GALNT13: variants seen among roughly 807,000 people sequenced by gnomAD.
The protein encoded by GALNT13 is polypeptide N-acetylgalactosaminyltransferase 13.
In GALNT13, 28 loss-of-function variants were observed where a neutral mutation model predicts 64.2. The observed-to-expected ratio is 0.44, with a 90% CI of 0.32 to 0.60. GALNT13 has a LOEUF of 0.60. Ranked by LOEUF, GALNT13 falls within the 20% of genes least tolerant of loss-of-function variation. The probability of loss-of-function intolerance (pLI) is 0.05; values close to 1 mark genes in which losing one functional copy is unlikely to be tolerated. For missense variants in GALNT13, 577 were observed against 669.8 expected, an observed-to-expected ratio of 0.86 and a Z score of 1.53; for synonymous variants, 214 against 224.6, an observed-to-expected ratio of 0.95 and a Z score of 0.42.
the GALNT13 span, among the ~76,000 whole-genome samples, chr2:153,551,001 T>C: frequency 6.6e-6 from 1 of 152,196 alleles, no homozygotes; most frequent in Non-Finnish European, 1.5e-5. Flanking sequence ...GAGAGGGCTC[T>C]TGGGTAGGAT....
chr2:154,197,750 A>G (rs1686955671), intron 4 of GALNT13, among the ~76,000 whole-genome samples: 1 of 152,002 alleles, frequency 6.6e-6, no homozygotes, highest in African/African-American at 2.4e-5. Context: ...AATAAAAAGA[A>G]CACTAGCCAT....
the GALNT13 span, among the ~76,000 whole-genome samples, chr2:153,634,064 T>G: frequency 2.6e-5 from 4 of 152,158 alleles, 1 homozygote; most frequent in African/African-American, 9.7e-5. Flanking sequence ...TGCAGAAGAA[T>G]TTCCATAACT....
intron 9 of GALNT13, among the ~76,000 whole-genome samples, chr2:154,358,731 T>C (rs1696893019): frequency 6.6e-6 from 1 of 152,106 alleles, no homozygotes; most frequent in African/African-American, 2.4e-5. Context: ...TTGAGCACAT[T>C]TTCTTTGCAT....
the GALNT13 span, among the ~76,000 whole-genome samples, chr2:153,542,346 ACACACACACACAC>A: frequency 5.6e-3 from 521 of 92,218 alleles, 4 homozygotes; most frequent in African/African-American, 0.033. Context: ...AAACAAACAA[ACACACACACACAC>A]AAAAAAAAAA....
intron 11 of GALNT13, among the ~76,000 whole-genome samples, chr2:154,434,239 G>A (rs371106434): frequency 1.3e-5 from 2 of 152,122 alleles, no homozygotes; most frequent in Non-Finnish European, 2.9e-5. Flanking sequence ...TAAAAACTGA[G>A]TTATTACAGT....
chr2:153,433,028 C>A, the GALNT13 span, among the ~76,000 whole-genome samples: 6 of 152,082 alleles, frequency 3.9e-5, no homozygotes, highest in Admixed American at 1.3e-4. Flanking sequence ...ATAGACACTC[C>A]AAGCATTTGG....
At chr2:153,360,832 T>C in the GALNT13 span, among the ~76,000 whole-genome samples, 2 of 152,078 alleles carry the variant, frequency 1.3e-5, no homozygotes, top group Non-Finnish European at 2.9e-5. Flanking sequence ...ATGAGTGGGA[T>C]TCCCCCCAGC....
chr2:153,883,274 A>T (rs777544609), intron 1 of GALNT13, among the ~76,000 whole-genome samples: 12 of 151,836 alleles, frequency 7.9e-5, no homozygotes, highest in Non-Finnish European at 1.5e-4. Context: ...ATGAAACAAG[A>T]TGGAAAATAT....
the GALNT13 span, among the ~76,000 whole-genome samples, chr2:153,146,792 A>G: frequency 6.6e-6 from 1 of 151,878 alleles, no homozygotes; most frequent in East Asian, 1.9e-4. Context: ...TAGAATATTT[A>G]TTGTGTAGTA....
At chr2:154,029,245 G>A (rs1191151337) in intron 3 of GALNT13, among the ~76,000 whole-genome samples, 1 of 150,340 alleles carries the variant, frequency 6.7e-6, no homozygotes, top group Non-Finnish European at 1.5e-5. Flanking sequence ...TCTGATACAG[G>A]CATAGCATAA....
chr2:153,499,314 C>A, the GALNT13 span, among the ~76,000 whole-genome samples: 1 of 152,178 alleles, frequency 6.6e-6, no homozygotes, highest in African/African-American at 2.4e-5. Flanking sequence ...TTGTTCGAGT[C>A]TGGCTAAGTC....
the GALNT13 span, among the ~76,000 whole-genome samples, chr2:153,715,752 A>G: frequency 6.6e-6 from 1 of 151,272 alleles, no homozygotes; most frequent in African/African-American, 2.4e-5. Context: ...TCTCCTTATC[A>G]TATATTAACA....
At chr2:153,767,851 T>C in the GALNT13 span, among the ~76,000 whole-genome samples, 6 of 152,114 alleles carry the variant, frequency 3.9e-5, no homozygotes, top group African/African-American at 1.4e-4. Flanking sequence ...TGGATATTAG[T>C]TCCTTGTCAA....
the GALNT13 span, among the ~76,000 whole-genome samples, chr2:153,475,136 C>T: frequency 1.3e-5 from 2 of 152,070 alleles, no homozygotes; most frequent in African/African-American, 4.8e-5. Context: ...CTGTGGCCAT[C>T]GGGGAATAGA....
chr2:154,060,934 A>T (rs1700147239), intron 3 of GALNT13, among the ~76,000 whole-genome samples: 1 of 152,100 alleles, frequency 6.6e-6, no homozygotes, highest in Admixed American at 6.6e-5. Context: ...AATCTAGCCG[A>T]CGTGAAATTA....
chr2:154,144,278 A>T (rs1449041363), intron 4 of GALNT13, among the ~76,000 whole-genome samples: 1 of 152,178 alleles, frequency 6.6e-6, no homozygotes, highest in Admixed American at 6.5e-5. Flanking sequence ...ACTAATGTTG[A>T]AAAACTTACC....
the GALNT13 span, among the ~76,000 whole-genome samples, chr2:153,803,771 G>A: frequency 6.6e-6 from 1 of 151,488 alleles, no homozygotes; most frequent in Non-Finnish European, 1.5e-5. Context: ...TGAGCACGAA[G>A]AGGTCATATG....
intron 3 of GALNT13, 143 bp downstream of exon 3, chr2:153,944,782 C>T: frequency 1.6e-6 from 1 of 620,088 alleles, no homozygotes; most frequent in Non-Finnish European, 2.7e-6. Context: ...CATGTTTAAC[C>T]ATGGGGAAGT....
chr2:153,135,637 C>A, the GALNT13 span, among the ~76,000 whole-genome samples: 1 of 152,028 alleles, frequency 6.6e-6, no homozygotes, highest in South Asian at 2.1e-4. Context: ...AAGGAACTTT[C>A]AAAGGTAATT....
Sources: allele counts gnomAD v4.1 joint callset (sites outside exome capture counted in the v4.1 genomes callset), GRCh38; gene constraint gnomAD v4.1.1; transcripts MANE v1.5; gene names NCBI Gene and HGNC (gene_info 2026-07-23, HGNC 2026-07-21).